TSGA10: variants seen among roughly 807,000 people sequenced by gnomAD.
TSGA10 encodes the protein testis-specific gene 10 protein.
Under a neutral mutation model 96.6 loss-of-function variants are expected in TSGA10, and 43 were observed. That is an observed-to-expected ratio of 0.44 (90% confidence interval 0.35 to 0.57). The LOEUF (loss-of-function observed/expected upper bound fraction) is 0.57, where lower values mean the gene tolerates loss of function less well. Ranked by LOEUF, TSGA10 falls within the 20% of genes least tolerant of loss-of-function variation. TSGA10 has a pLI of 0.01. For synonymous variants in TSGA10, 229 were observed against 269.9 expected (o/e 0.85, Z 1.48); for missense variants, 703 against 834.4 (o/e 0.84, Z 1.94).
chr2:99,002,671 A>C (rs1211968948), intron 20 of TSGA10, among the ~76,000 whole-genome samples: 1 of 152,194 alleles, frequency 6.6e-6, no homozygotes, highest in Non-Finnish European at 1.5e-5. Context: ...AAATACTCCA[A>C]TTAAAAGACA....
At chr2:99,141,167 G>C (rs2093533583) in intron 1 of TSGA10, 1 of 1,257,826 alleles carries the variant, frequency 8.0e-7, no homozygotes, top group Admixed American at 2.6e-5. Context: ...CTCGGCCTCA[G>C]CGGGGGATAC....
At chr2:99,032,242 A>C (rs1452930409) in intron 17 of TSGA10, among the ~76,000 whole-genome samples, 2 of 152,194 alleles carry the variant, frequency 1.3e-5, no homozygotes, top group Admixed American at 1.3e-4. Context: ...TGGTAAACCC[A>C]CAAGCTAACC....
At chr2:99,002,235 GA>G (rs2104790783) in intron 20 of TSGA10, among the ~76,000 whole-genome samples, 2 of 152,294 alleles carry the variant, frequency 1.3e-5, no homozygotes, top group African/African-American at 4.8e-5. Context: ...CAGCCAGAAA[GA>G]AAGGTCCGGT....
intron 16 of TSGA10, among the ~76,000 whole-genome samples, chr2:99,044,279 C>A (rs961399882): frequency 6.7e-6 from 1 of 149,890 alleles, no homozygotes; most frequent in African/African-American, 2.5e-5. Flanking sequence ...TCAGGAGATC[C>A]ATCTCACGTA....
At chr2:99,002,280 A>T (rs58106662) in intron 20 of TSGA10, among the ~76,000 whole-genome samples, 12 of 152,328 alleles carry the variant, frequency 7.9e-5, no homozygotes, top group Admixed American at 3.3e-4. Flanking sequence ...GACTAACAGC[A>T]GATCTCTTGG....
intron 1 of TSGA10, among the ~76,000 whole-genome samples, chr2:99,127,434 T>C (rs975629072): frequency 6.6e-6 from 1 of 152,112 alleles, no homozygotes; most frequent in African/African-American, 2.4e-5. Flanking sequence ...TCTACAGAAA[T>C]ATGGATCAGT....
intron 7 of TSGA10, among the ~76,000 whole-genome samples, chr2:99,107,656 A>G (rs1042613930): frequency 6.6e-6 from 1 of 152,162 alleles, no homozygotes; most frequent in Non-Finnish European, 1.5e-5. Context: ...TCAAAAGAGT[A>G]TTTTAAAACA....
chr2:99,083,349 A>G (rs2087781828), intron 10 of TSGA10, among the ~76,000 whole-genome samples: 1 of 152,172 alleles, frequency 6.6e-6, no homozygotes, highest in Non-Finnish European at 1.5e-5. Context: ...TGAAAAATCT[A>G]TAGACACTCA....
At chr2:99,085,698 T>C (rs1282616381) in intron 10 of TSGA10, among the ~76,000 whole-genome samples, 1 of 131,654 alleles carries the variant, frequency 7.6e-6, no homozygotes, top group Non-Finnish European at 1.6e-5. Flanking sequence ...ATATTATCAA[T>C]ATGAAAAAAG....
At chr2:99,095,969 T>C (rs183168236) in intron 10 of TSGA10, among the ~76,000 whole-genome samples, 8 of 152,282 alleles carry the variant, frequency 5.3e-5, no homozygotes, top group Admixed American at 2.6e-4. Flanking sequence ...AGTACGTATG[T>C]AGGCAGCCCC....
intron 15 of TSGA10, 112 bp from the exon 16 acceptor site, chr2:99,065,236 A>G: frequency 8.7e-7 from 1 of 1,145,396 alleles, no homozygotes; most frequent in Non-Finnish European, 1.2e-6. Context: ...TTTATAATAG[A>G]ACCCTGAGGA....
chr2:99,015,084 T>G (rs1329359048), intron 20 of TSGA10, among the ~76,000 whole-genome samples: 2 of 152,190 alleles, frequency 1.3e-5, no homozygotes, highest in Non-Finnish European at 2.9e-5. Context: ...GAACCAATCC[T>G]ATAGAACACT....
chr2:99,121,761 C>T (rs13023744), intron 2 of TSGA10, among the ~76,000 whole-genome samples: 88,204 of 151,912 alleles, frequency 0.58, 26,484 homozygotes, highest in East Asian at 0.88. Flanking sequence ...CCACCACACC[C>T]GGCCAAAAAC....
chr2:99,040,768 A>AT (rs1228852507), intron 16 of TSGA10, among the ~76,000 whole-genome samples: 6 of 152,070 alleles, frequency 3.9e-5, no homozygotes, highest in Non-Finnish European at 8.8e-5. Flanking sequence ...AAAAAAAAAA[A>AT]CCTAAACATC....
At chr2:99,015,442 C>T (rs1246233719) in intron 20 of TSGA10, among the ~76,000 whole-genome samples, 2 of 151,986 alleles carry the variant, frequency 1.3e-5, no homozygotes, top group Non-Finnish European at 2.9e-5. Context: ...ATCCAGCATC[C>T]CTTTATGGTT....
At chr2:99,098,846 T>C (rs1025425832) in intron 10 of TSGA10, among the ~76,000 whole-genome samples, 8 of 152,280 alleles carry the variant, frequency 5.3e-5, no homozygotes, top group Non-Finnish European at 5.9e-5. Flanking sequence ...CTTTAATAAA[T>C]AAATGAAATA....
rs572477121 is a variant in TSGA10, at chr2:99,048,371, A to G, written c.1405-12932T>C. On this transcript the variant is annotated intron_variant, in intron 16 of 20. Coordinates refer to ENST00000393483, the MANE Select transcript of TSGA10 (RefSeq NM_025244.4). ...AACAGCATGGTACTGGTACCAAAAC[A>G]TATATATATACACACACACCAATGG... Among the ~76,000 whole-genome samples, 60 of 152,182 alleles carry G rather than the reference A, an allele frequency of 3.9e-4. No individual in the cohort carries two copies. The South Asian group carries it at 0.012, about 31-fold the overall frequency.
intron 10 of TSGA10, among the ~76,000 whole-genome samples, chr2:99,099,925 A>C (rs1024266307): frequency 3.9e-5 from 6 of 152,194 alleles, no homozygotes; most frequent in Non-Finnish European, 8.8e-5. Context: ...ACAATTTTTA[A>C]AAACAGTTAA....
chr2:99,105,660 A>C lies in TSGA10; in HGVS notation c.248T>G (p.Met83Arg). Residue 83 changes from methionine (M) to arginine (R), a missense_variant, in exon 8 of 21, where the codon ATG becomes AGG. This residue lies in a region of TSGA10 where 585 missense variants were observed against 656.8 expected (regional missense o/e 0.89). Transcript: ENST00000393483. ...EEITRLRREMMKSCKSPKSTT... is the reference protein window; with the variant it reads ...EEITRLRREMRKSCKSPKSTT... ...TGATTTAGGACTCTTACAGCTTTTCATCATTTCTCGTCGAAGTCGGGTAAT... is the reference window on the plus strand; with the variant it reads ...TGATTTAGGACTCTTACAGCTTTTCCTCATTTCTCGTCGAAGTCGGGTAAT... The C allele has an allele frequency of 6.3e-7, 1 of 1,593,062 alleles. No individual in the cohort carries two copies. The highest frequency in any genetic ancestry group is 8.6e-7 in the Non-Finnish European group (1 of 1,162,536).
Sources: gnomAD v4.1 joint callset for allele counts (sites outside exome capture counted in the v4.1 genomes callset) on GRCh38, gnomAD v4.1.1 for gene constraint, gnomAD v4.1.1 regional missense constraint, MANE v1.5 for transcripts, NCBI Gene and HGNC (gene_info 2026-07-23, HGNC 2026-07-21) for gene names.